The following KCNU1 variants were observed in gnomAD, a reference collection of about 807,000 sequenced individuals.
The protein encoded by KCNU1 is potassium channel subfamily U member 1.
A neutral mutation model predicts 126.8 loss-of-function variants in KCNU1; 93 were observed. The ratio of observed to expected loss-of-function variants is 0.73; its 90% CI spans 0.62 to 0.87. The LOEUF is 0.87. Ranked by LOEUF, KCNU1 falls within the 40% of genes least tolerant of loss-of-function variation. KCNU1 has a pLI of 0.00. For missense variants in KCNU1, 1,330 were observed against 1,367.1 expected (o/e 0.97, Z 0.43); for synonymous variants, 523 against 494.2 (o/e 1.06, Z -0.77).
chr8:36,888,377 T>C, intron 19 of KCNU1: 1 of 357,090 alleles, frequency 2.8e-6, no homozygotes, highest in South Asian at 2.1e-5. Context: ...TAGCTTTTCC[T>C]GCCACTCCTC....
chr8:36,893,485 C>G (rs1319364055), intron 19 of KCNU1, among the ~76,000 whole-genome samples: 1 of 151,966 alleles, frequency 6.6e-6, no homozygotes, highest in African/African-American at 2.4e-5. Context: ...TTCCAGGGAG[C>G]TGCTAGAAAG....
intron 19 of KCNU1, among the ~76,000 whole-genome samples, chr8:36,878,732 A>G (rs1169852007): frequency 6.6e-6 from 1 of 151,032 alleles, no homozygotes; most frequent in African/African-American, 2.4e-5. Context: ...AATACTTTTA[A>G]GCATTATCAC....
At chr8:36,789,001 T>C (rs1802808910) in intron 2 of KCNU1, among the ~76,000 whole-genome samples, 1 of 152,214 alleles carries the variant, frequency 6.6e-6, no homozygotes, top group South Asian at 2.1e-4. Context: ...TATTTTAGCC[T>C]ATAACAGCTG....
At chr8:36,804,218 A>C (rs1462957091) in intron 3 of KCNU1, 130 bp downstream of exon 3, 1 of 660,490 alleles carries the variant, frequency 1.5e-6, no homozygotes, top group East Asian at 2.8e-5. Context: ...CAAACTCATA[A>C]AAAGTGATAT....
At chr8:36,910,076 A>C (rs928092062) in intron 21 of KCNU1, among the ~76,000 whole-genome samples, 1 of 152,018 alleles carries the variant, frequency 6.6e-6, no homozygotes, top group Non-Finnish European at 1.5e-5. Flanking sequence ...ACTTGCATAG[A>C]TCTATGTCCC....
rs34121138 is a variant in KCNU1 at position 36,879,211 on chromosome 8, G to GTATATATATA, written c.2009+14709_2009+14718dup. Among the ~76,000 whole-genome samples, 606 of 101,698 alleles carry GTATATATATA rather than the reference G, an allele frequency of 6.0e-3. 5 individuals are homozygous for GTATATATATA. Among genetic ancestry groups the GTATATATATA allele is most frequent in the East Asian group, 0.012 (41 of 3,336 alleles). 66.7% of individuals were successfully genotyped at this position (101,698 alleles called of 152,430 possible). A position where few individuals can be genotyped will look rare whatever the true frequency, so the allele number is the denominator to read the frequency against. On this transcript the variant is annotated intron_variant, in intron 19 of 26. Transcript: ENST00000399881. ...TATGTATGTGTGTGTGTGTGTGTGTGTATATATATATATATATATATATAT... is the reference window on the plus strand; with the variant it reads ...TATGTATGTGTGTGTGTGTGTGTGTGTATATATATATATATATATATATATATATATATAT...
At chr8:36,833,718 T>C in intron 11 of KCNU1, 59 bp downstream of exon 11, 1 of 947,646 alleles carries the variant, frequency 1.1e-6, no homozygotes, top group Non-Finnish European at 1.7e-6. Context: ...ATTAAAATAA[T>C]AGGATATATT....
intron 19 of KCNU1, among the ~76,000 whole-genome samples, chr8:36,871,406 T>TATAC (rs548503392): frequency 1.7e-4 from 25 of 144,312 alleles, no homozygotes; most frequent in African/African-American, 5.9e-4. Flanking sequence ...TATATATATA[T>TATAC]ACATAGAGAG....
At position 36,887,602 on chromosome 8, in the gene KCNU1, T is replaced by C. The variant is rs750847529; in HGVS notation, c.2010-18106T>C. ...CAATCCATGGTTGATGGTCTTCTTA[T>C]CTGTAGAAAGTGCTGAAATCAGTCT... On this transcript the variant is annotated intron_variant, in intron 19 of 26. Transcript: ENST00000399881. 3.2e-4 allele frequency among the ~76,000 whole-genome samples: 49 copies of C among 152,260 alleles called. No homozygotes were observed. The Middle Eastern group carries it at 0.01, about 32-fold the overall frequency.
intron 19 of KCNU1, among the ~76,000 whole-genome samples, chr8:36,871,248 A>T (rs1483231786): frequency 6.6e-6 from 1 of 152,150 alleles, no homozygotes; most frequent in African/African-American, 2.4e-5. Flanking sequence ...GGTGGCAGGG[A>T]ATATAAGAAT....
intron 19 of KCNU1, among the ~76,000 whole-genome samples, chr8:36,883,342 A>G (rs1806562902): frequency 6.6e-6 from 1 of 152,200 alleles, no homozygotes; most frequent in African/African-American, 2.4e-5. Context: ...TCCAGGCTAA[A>G]TCCCCTATCT....
intron 26 of KCNU1, 113 bp downstream of exon 26, chr8:36,933,145 G>C: frequency 1.5e-6 from 1 of 652,288 alleles, no homozygotes; most frequent in Admixed American, 2.8e-5. Context: ...TTGCAAGGAA[G>C]GGTGCATGGG....
intron 19 of KCNU1, among the ~76,000 whole-genome samples, chr8:36,867,940 A>G (rs1211019672): frequency 6.6e-6 from 1 of 152,140 alleles, no homozygotes; most frequent in Non-Finnish European, 1.5e-5. Flanking sequence ...TAGACCAGAG[A>G]TTGTGATAGT....
intron 22 of KCNU1, among the ~76,000 whole-genome samples, chr8:36,912,296 A>G (rs1286827657): frequency 1.3e-5 from 2 of 152,220 alleles, no homozygotes; most frequent in African/African-American, 2.4e-5. Context: ...AAGAAAATAT[A>G]AGGTTATTGG....
chr8:36,894,553 A>C (rs1807106255), intron 19 of KCNU1, among the ~76,000 whole-genome samples: 1 of 152,146 alleles, frequency 6.6e-6, no homozygotes, highest in Admixed American at 6.6e-5. Flanking sequence ...ATATCACTTA[A>C]AAATGAGGAA....
At chr8:36,867,035 T>A (rs1314124443) in intron 19 of KCNU1, among the ~76,000 whole-genome samples, 1 of 151,866 alleles carries the variant, frequency 6.6e-6, no homozygotes, top group Non-Finnish European at 1.5e-5. Flanking sequence ...AAAAGAGAGG[T>A]TAATTTTCTT....
intron 19 of KCNU1, among the ~76,000 whole-genome samples, chr8:36,868,746 T>C (rs182579467): frequency 1.9e-4 from 29 of 152,314 alleles, no homozygotes; most frequent in Admixed American, 1.5e-3. Context: ...GTTAAATATA[T>C]ATTTGTTGAA....
At position 36,887,567 on chromosome 8, in the gene KCNU1, C is replaced by T. The variant is rs145166615; in HGVS notation, c.2010-18141C>T. ...ATGTAAGAGTGTATCTTCTGGAAAC[C>T]GGCCAGAACCAATCCATGGTTGATG... On this transcript the variant is annotated intron_variant, in intron 19 of 26. Coordinates refer to ENST00000399881, the MANE Select transcript of KCNU1 (RefSeq NM_001031836.3). Among the ~76,000 whole-genome samples, 487 of 151,442 alleles carry T rather than the reference C, an allele frequency of 3.2e-3. 3 individuals carry two copies. Among genetic ancestry groups the T allele is most frequent in the African/African-American group, 9.9e-3 (407 of 41,254 alleles).
Position 36,936,060 on chromosome 8 carries a change from T to C in KCNU1, c.*140T>C, listed in dbSNP as rs989926081. 6.4e-5 allele frequency: 43 copies of C among 671,744 alleles called. No individual in the cohort carries two copies. In the East Asian group the frequency reaches 1.2e-3, roughly 19 times the overall value. 41.6% of individuals were successfully genotyped at this position (671,744 alleles called of 1,614,324 possible). A position where few individuals can be genotyped will look rare whatever the true frequency, so the allele number is the denominator to read the frequency against. ...TTAGTGGTTCATGAAGGCCACACTG[T>C]TTTGGGTGAGACAAAAGTCTAATGC... On this transcript the variant is annotated 3_prime_UTR_variant, in exon 27 of 27. Coordinates refer to ENST00000399881, the MANE Select transcript of KCNU1 (RefSeq NM_001031836.3).
Sources: gnomAD v4.1 joint callset for allele counts (sites outside exome capture counted in the v4.1 genomes callset) on GRCh38, gnomAD v4.1.1 for gene constraint, MANE v1.5 for transcripts, NCBI Gene and HGNC (gene_info 2026-07-23, HGNC 2026-07-21) for gene names.